GALNTL6: variants seen among roughly 807,000 people sequenced by gnomAD.
The protein encoded by GALNTL6 is polypeptide N-acetylgalactosaminyltransferase-like 6.
A neutral mutation model predicts 73.7 loss-of-function variants in GALNTL6; 46 were observed. That is an observed-to-expected ratio of 0.62 (90% CI 0.49 to 0.80). The LOEUF is 0.80. Among genes scored for constraint, GALNTL6 ranks in the 30% least tolerant of loss-of-function variants. GALNTL6 has a pLI of 0.00. For synonymous variants in GALNTL6, 259 were observed against 263.7 expected (o/e 0.98, Z 0.17); for missense variants, 604 against 755.0 (o/e 0.80, Z 2.34).
chr4:172,281,199 A>G (rs1739039959), intron 3 of GALNTL6, among the ~76,000 whole-genome samples: 1 of 152,074 alleles, frequency 6.6e-6, no homozygotes, highest in Non-Finnish European at 1.5e-5. Context: ...ATGCAAATTC[A>G]TTACCTTACA....
At chr4:172,098,214 G>A (rs936157708) in intron 2 of GALNTL6, among the ~76,000 whole-genome samples, 7 of 151,906 alleles carry the variant, frequency 4.6e-5, no homozygotes, top group Non-Finnish European at 1.0e-4. Flanking sequence ...TATATATATA[G>A]GATATCTATA....
chr4:172,387,589 A>G (rs921498232), intron 5 of GALNTL6, among the ~76,000 whole-genome samples: 2 of 152,060 alleles, frequency 1.3e-5, no homozygotes, highest in South Asian at 2.1e-4. Context: ...TGCCTTTGAC[A>G]GTTTGTATAT....
At chr4:172,784,425 T>A (rs1422177344) in intron 5 of GALNTL6, among the ~76,000 whole-genome samples, 1 of 152,148 alleles carries the variant, frequency 6.6e-6, no homozygotes, top group Non-Finnish European at 1.5e-5. Flanking sequence ...ACAATAGCAG[T>A]TTCCTATTGC....
intron 2 of GALNTL6, among the ~76,000 whole-genome samples, chr4:171,837,594 A>G (rs904863909): frequency 6.8e-6 from 1 of 147,316 alleles, no homozygotes; most frequent in East Asian, 1.9e-4. Context: ...GATATTAATT[A>G]TTATATATTA....
chr4:172,373,582 T>A (rs1363495477), intron 5 of GALNTL6, among the ~76,000 whole-genome samples: 1 of 152,200 alleles, frequency 6.6e-6, no homozygotes, highest in Non-Finnish European at 1.5e-5. Flanking sequence ...TCTTTTAGCC[T>A]GATTTGGACT....
chr4:172,933,908 C>A (rs185797011), intron 9 of GALNTL6, among the ~76,000 whole-genome samples: 2 of 152,308 alleles, frequency 1.3e-5, no homozygotes, highest in South Asian at 2.1e-4. Context: ...AAAATGTGCA[C>A]TTTTCACATT....
At chr4:172,120,580 T>C (rs28584025) in intron 2 of GALNTL6, among the ~76,000 whole-genome samples, 62,020 of 151,728 alleles carry the variant, frequency 0.41, 12,924 homozygotes, top group African/African-American at 0.44. Context: ...AACATATTGA[T>C]AGGTTCTGGG....
intron 5 of GALNTL6, among the ~76,000 whole-genome samples, chr4:172,386,068 A>G (rs552839664): frequency 7.9e-5 from 12 of 152,280 alleles, no homozygotes; most frequent in Admixed American, 3.9e-4. Flanking sequence ...CTATTATTTA[A>G]TCCCAAATTG....
chr4:172,376,535 C>T (rs1235176520), intron 5 of GALNTL6, among the ~76,000 whole-genome samples: 3 of 152,168 alleles, frequency 2.0e-5, no homozygotes, highest in African/African-American at 7.2e-5. Context: ...GTTAGACAGC[C>T]CTTTCTCAGA....
chr4:171,914,663 G>T (rs548400096), intron 2 of GALNTL6, among the ~76,000 whole-genome samples: 2 of 151,094 alleles, frequency 1.3e-5, no homozygotes, highest in Non-Finnish European at 2.9e-5. Flanking sequence ...CAATCTGCCC[G>T]TCTTGTCCTC....
chr4:172,718,463 C>T (rs1047336725), intron 5 of GALNTL6, among the ~76,000 whole-genome samples: 10 of 151,744 alleles, frequency 6.6e-5, no homozygotes, highest in Admixed American at 5.3e-4. Flanking sequence ...GAGACCCTGT[C>T]TCTAAAAAAA....
intron 3 of GALNTL6, among the ~76,000 whole-genome samples, chr4:172,263,529 TTTAAA>T (rs1243569019): frequency 6.6e-6 from 1 of 151,428 alleles, no homozygotes; most frequent in Non-Finnish European, 1.5e-5. Flanking sequence ...CCTGTATTTT[TTTAAA>T]TTTAAGTTGG....
At chr4:172,168,002 C>T (rs1466765098) in intron 2 of GALNTL6, among the ~76,000 whole-genome samples, 1 of 151,542 alleles carries the variant, frequency 6.6e-6, no homozygotes, top group African/African-American at 2.4e-5. Context: ...TTTCTGAGGC[C>T]AAATCCAATG....
Position 172,135,771 on chromosome 4 carries a change from A to G in GALNTL6, c.139-93885A>G, listed in dbSNP as rs1413237988. Among the ~76,000 whole-genome samples the G allele has an allele frequency of 2.5e-4, 12 of 48,278 alleles. No individual in the cohort carries two copies. In the East Asian group the frequency reaches 2.8e-3, roughly 11 times the overall value. The allele number at this position is 48,278 out of a possible 152,430, so 31.7% of individuals were successfully genotyped here. On this transcript the variant is annotated intron_variant, in intron 2 of 12. Coordinates refer to ENST00000506823, the MANE Select transcript of GALNTL6 (RefSeq NM_001034845.3). ...AAATAGTAAAAATACAATAATAATC[A>G]ATATATGAGAAAAATTTAATGATAT...
At chr4:172,421,531 A>C (rs982459696) in intron 5 of GALNTL6, among the ~76,000 whole-genome samples, 1 of 151,928 alleles carries the variant, frequency 6.6e-6, no homozygotes, top group Non-Finnish European at 1.5e-5. Context: ...AAATATATTT[A>C]TAAATTCATA....
chr4:172,556,792 A>G (rs1187247032), intron 5 of GALNTL6, among the ~76,000 whole-genome samples: 2 of 151,902 alleles, frequency 1.3e-5, no homozygotes, highest in Non-Finnish European at 1.5e-5. Context: ...TGATTACTAG[A>G]CATAAGGATG....
intron 3 of GALNTL6, among the ~76,000 whole-genome samples, chr4:172,301,719 G>C (rs1025061179): frequency 6.6e-6 from 1 of 152,140 alleles, no homozygotes; most frequent in African/African-American, 2.4e-5. Context: ...GCCTGATTGT[G>C]CCTCTTGAAG....
chr4:172,351,176 AATCTGTCT>A (rs1433099957), intron 5 of GALNTL6, among the ~76,000 whole-genome samples: 48 of 65,514 alleles, frequency 7.3e-4, no homozygotes, highest in African/African-American at 3.4e-3. Flanking sequence ...GATCCACAAT[AATCTGTCT>A]ATCTATCTAT....
intron 3 of GALNTL6, among the ~76,000 whole-genome samples, chr4:172,277,506 C>A (rs979203804): frequency 5.3e-5 from 8 of 152,150 alleles, no homozygotes; most frequent in African/African-American, 1.9e-4. Context: ...GTGGAATAAT[C>A]TAGAGTCAAT....
Sources: gnomAD v4.1 joint callset for allele counts (sites outside exome capture counted in the v4.1 genomes callset) on GRCh38, gnomAD v4.1.1 for gene constraint, MANE v1.5 for transcripts, NCBI Gene and HGNC (gene_info 2026-07-23, HGNC 2026-07-21) for gene names.